The following DOCK1 variants were observed in gnomAD, a reference collection of about 807,000 sequenced individuals.
The protein encoded by DOCK1 is dedicator of cytokinesis protein 1.
In DOCK1, 138 loss-of-function variants were observed where a neutral mutation model predicts 262.7. That is an observed-to-expected ratio of 0.53 (90% CI 0.46 to 0.61). The LOEUF is 0.61. DOCK1 is among the 20% of genes least tolerant of loss of function. DOCK1 has a pLI of 0.00. For synonymous variants in DOCK1, 866 were observed against 867.4 expected (o/e 1.00, Z 0.03); for missense variants, 1,908 against 2,370.7 (o/e 0.80, Z 4.05).
chr10:127,226,522 C>T (rs1361728712), intron 27 of DOCK1, among the ~76,000 whole-genome samples: 4 of 151,946 alleles, frequency 2.6e-5, no homozygotes, highest in Non-Finnish European at 4.4e-5. Context: ...GTGGATGGAT[C>T]GCTTGAGGTC....
intron 24 of DOCK1, among the ~76,000 whole-genome samples, chr10:127,107,758 C>T (rs955863749): frequency 3.9e-5 from 6 of 152,222 alleles, no homozygotes; most frequent in African/African-American, 1.4e-4. Context: ...GCTTCCAGGG[C>T]TCTCTCATAT....
At chr10:127,070,347 G>A (rs1040158188) in intron 23 of DOCK1, among the ~76,000 whole-genome samples, 4 of 129,312 alleles carry the variant, frequency 3.1e-5, no homozygotes, top group South Asian at 2.6e-4. Context: ...TCCACCTCCC[G>A]GGTTCAAACG....
At chr10:126,967,423 G>T (rs1267198890) in intron 1 of DOCK1, among the ~76,000 whole-genome samples, 1 of 152,192 alleles carries the variant, frequency 6.6e-6, no homozygotes, top group Non-Finnish European at 1.5e-5. Flanking sequence ...GGGTTTAGGT[G>T]CCTGCAGTGG....
At chr10:127,415,959 G>T (rs1222946064) in intron 44 of DOCK1, among the ~76,000 whole-genome samples, 1 of 152,162 alleles carries the variant, frequency 6.6e-6, no homozygotes, top group African/African-American at 2.4e-5. Context: ...GTTTTCACCT[G>T]GCAAGAACTC....
chr10:127,018,156 C>G (rs529961299), intron 12 of DOCK1, among the ~76,000 whole-genome samples: 2 of 152,320 alleles, frequency 1.3e-5, no homozygotes, highest in Middle Eastern at 3.4e-3. Flanking sequence ...GGCCTGGGCT[C>G]CACAGGCTGC....
chr10:126,927,078 A>G (rs1018744661), intron 1 of DOCK1, among the ~76,000 whole-genome samples: 3 of 152,318 alleles, frequency 2.0e-5, no homozygotes, highest in Admixed American at 6.5e-5. Context: ...GGCGCCCTGC[A>G]TCTTGTCTTA....
chr10:126,911,305 TC>T (rs35600880), intron 1 of DOCK1, among the ~76,000 whole-genome samples: 2 of 152,180 alleles, frequency 1.3e-5, no homozygotes, highest in African/African-American at 4.8e-5. Flanking sequence ...AGCGTGCAGC[TC>T]CCTGTGCTGC....
At chr10:127,207,534 C>A (rs1235406051) in intron 27 of DOCK1, among the ~76,000 whole-genome samples, 2 of 152,134 alleles carry the variant, frequency 1.3e-5, no homozygotes, top group Non-Finnish European at 2.9e-5. Flanking sequence ...GGAGAGTATT[C>A]ATTCCTGTAC....
At chr10:127,372,510 T>C (rs971712884) in intron 33 of DOCK1, among the ~76,000 whole-genome samples, 6 of 152,222 alleles carry the variant, frequency 3.9e-5, no homozygotes, top group Non-Finnish European at 8.8e-5. Flanking sequence ...TTTAATCCAA[T>C]CTAAGTTGGT....
intron 27 of DOCK1, among the ~76,000 whole-genome samples, chr10:127,179,543 G>T (rs921843608): frequency 4.6e-5 from 7 of 152,114 alleles, no homozygotes; most frequent in African/African-American, 1.7e-4. Flanking sequence ...TCTGACGGCT[G>T]GATGACATTT....
chr10:127,174,379 A>G (rs2054871168), intron 27 of DOCK1, among the ~76,000 whole-genome samples: 1 of 152,174 alleles, frequency 6.6e-6, no homozygotes, highest in Non-Finnish European at 1.5e-5. Flanking sequence ...GCTGCTTTGT[A>G]TCAGCTGAGC....
intron 31 of DOCK1, 87 bp from the exon 32 acceptor site, chr10:127,354,582 G>A (rs1041927670): frequency 1.3e-6 from 2 of 1,501,150 alleles, no homozygotes; most frequent in African/African-American, 2.8e-5. Flanking sequence ...GTGCTAGAAG[G>A]CTTTAATTGC....
intron 10 of DOCK1, among the ~76,000 whole-genome samples, chr10:127,006,682 A>G (rs1449669639): frequency 1.3e-5 from 2 of 152,062 alleles, no homozygotes; most frequent in South Asian, 2.1e-4. Context: ...GGTGTTTTCC[A>G]CCTGTGGGTG....
rs1434636528 is a variant in DOCK1 at position 127,211,710 on chromosome 10, A to G, written c.2848-36298A>G. On this transcript the variant is annotated intron_variant, in intron 27 of 51. Transcript: ENST00000623213. Reference sequence around the variant, plus strand: ...TTTCTAAACATACTGAAAATAACGCATGTACCTGGTGAAAAGTGAAGACGT... The same window carrying G: ...TTTCTAAACATACTGAAAATAACGCGTGTACCTGGTGAAAAGTGAAGACGT... Among the ~76,000 whole-genome samples, 6 of 152,310 alleles carry G rather than the reference A, an allele frequency of 3.9e-5. No homozygotes were observed. In the East Asian group the frequency reaches 1.2e-3, roughly 29 times the overall value.
chr10:126,954,610 T>C (rs1337401939), intron 1 of DOCK1, among the ~76,000 whole-genome samples: 1 of 152,182 alleles, frequency 6.6e-6, no homozygotes, highest in African/African-American at 2.4e-5. Flanking sequence ...TCCCAGCCCC[T>C]GGCAGCCGCC....
At chr10:127,274,512 G>C (rs1419253861) in intron 29 of DOCK1, among the ~76,000 whole-genome samples, 1 of 152,194 alleles carries the variant, frequency 6.6e-6, no homozygotes, top group Non-Finnish European at 1.5e-5. Context: ...AGCTACACCA[G>C]CGATGGCCAT....
chr10:126,986,318 A>G (rs947443009), intron 4 of DOCK1, among the ~76,000 whole-genome samples: 4 of 141,814 alleles, frequency 2.8e-5, no homozygotes, highest in African/African-American at 4.9e-5. Flanking sequence ...CTGATCTCCA[A>G]TCGTGAGCCA....
At chr10:127,425,758 G>C (rs2068773484) in intron 46 of DOCK1, 116 bp from the exon 47 acceptor site, 6 of 1,456,328 alleles carry the variant, frequency 4.1e-6, no homozygotes, top group African/African-American at 1.4e-5. Context: ...GAATCAGCTG[G>C]TTTGATTTGG....
At chr10:126,959,318 G>T (rs1035527943) in intron 1 of DOCK1, among the ~76,000 whole-genome samples, 3 of 152,130 alleles carry the variant, frequency 2.0e-5, no homozygotes, top group Non-Finnish European at 4.4e-5. Context: ...AAACAGCTTT[G>T]CAGGGCCATT....
Sources: allele counts gnomAD v4.1 joint callset (sites outside exome capture counted in the v4.1 genomes callset), GRCh38; gene constraint gnomAD v4.1.1; transcripts MANE v1.5; gene names NCBI Gene and HGNC (gene_info 2026-07-23, HGNC 2026-07-21).